Variants in NCOA2 observed in about 807,000 individuals in gnomAD.
NCOA2 encodes class E basic helix-loop-helix protein 75.
A neutral mutation model predicts 145.1 loss-of-function variants in NCOA2; 21 were observed. That is an observed-to-expected ratio of 0.14 (90% CI 0.10 to 0.21). NCOA2 has a LOEUF of 0.21. NCOA2 is among the 10% of genes least tolerant of loss of function. The pLI, the probability that NCOA2 is intolerant of heterozygous loss-of-function variation, is 1.00. For synonymous variants in NCOA2, 619 were observed against 637.5 expected, an observed-to-expected ratio of 0.97 and a Z score of 0.44; for missense variants, 1,472 against 1,837.6, an observed-to-expected ratio of 0.80 and a Z score of 3.64.
chr8:70,114,160 C>T (rs754782167), intron 22 of NCOA2, among the ~76,000 whole-genome samples: 77 of 152,228 alleles, frequency 5.1e-4, no homozygotes, highest in Non-Finnish European at 1.0e-3. Context: ...CTGGCTTCAG[C>T]AAGCTAGATC....
intron 13 of NCOA2, 83 bp downstream of exon 13, chr8:70,144,559 A>G: frequency 8.7e-7 from 1 of 1,148,246 alleles, no homozygotes; most frequent in Non-Finnish European, 1.3e-6. Context: ...TTCACTTGAA[A>G]AATTCTACTA....
upstream of NCOA2, among the ~76,000 whole-genome samples, chr8:70,407,930 A>G (rs748750140): frequency 2.9e-4 from 44 of 152,196 alleles, no homozygotes; most frequent in Non-Finnish European, 2.9e-5. Context: ...CCCACTTGAA[A>G]ACACTTAATG....
At chr8:70,222,353 T>C (rs1244116243) in intron 2 of NCOA2, among the ~76,000 whole-genome samples, 1 of 152,152 alleles carries the variant, frequency 6.6e-6, no homozygotes, top group African/African-American at 2.4e-5. Context: ...TTAAAGAAAA[T>C]AACATATCCT....
chr8:70,438,682 A>G, the NCOA2 span, among the ~76,000 whole-genome samples: 3 of 152,246 alleles, frequency 2.0e-5, no homozygotes, highest in African/African-American at 7.2e-5. Context: ...TTGAATTTAC[A>G]TTTATTTTAA....
intron 1 of NCOA2, among the ~76,000 whole-genome samples, chr8:70,370,466 A>G (rs1191194937): frequency 6.6e-6 from 1 of 152,152 alleles, no homozygotes; most frequent in Non-Finnish European, 1.5e-5. Flanking sequence ...AGCTAAAAGG[A>G]CTCAGGCAGT....
At chr8:70,369,753 C>T (rs934185610) in intron 1 of NCOA2, among the ~76,000 whole-genome samples, 1 of 152,156 alleles carries the variant, frequency 6.6e-6, no homozygotes, top group Non-Finnish European at 1.5e-5. Flanking sequence ...CACAAGACAA[C>T]CTGAGTCAAG....
chr8:70,232,594 C>A (rs1331717258), intron 2 of NCOA2, among the ~76,000 whole-genome samples: 1 of 152,118 alleles, frequency 6.6e-6, no homozygotes, highest in Non-Finnish European at 1.5e-5. Flanking sequence ...AATGTGTGAT[C>A]CTTCTGCCTG....
At chr8:70,397,073 A>C (rs923761082) in intron 1 of NCOA2, among the ~76,000 whole-genome samples, 1 of 152,232 alleles carries the variant, frequency 6.6e-6, no homozygotes, top group Non-Finnish European at 1.5e-5. Flanking sequence ...CACACATCAA[A>C]AAAGCCTGTA....
chr8:70,379,983 C>T (rs1033637461), intron 1 of NCOA2, among the ~76,000 whole-genome samples: 3 of 151,984 alleles, frequency 2.0e-5, no homozygotes, highest in African/African-American at 7.3e-5. Flanking sequence ...TTATAAATAA[C>T]TTAATGAGGC....
the NCOA2 span, among the ~76,000 whole-genome samples, chr8:70,438,428 G>T: frequency 6.6e-6 from 1 of 150,758 alleles, no homozygotes. Context: ...TATTTTACTT[G>T]GCTTTATACT....
upstream of NCOA2, among the ~76,000 whole-genome samples, chr8:70,407,004 A>G (rs1378280221): frequency 6.6e-6 from 1 of 152,218 alleles, no homozygotes; most frequent in Admixed American, 6.5e-5. Flanking sequence ...CAAGACTCAA[A>G]ATGGTGTAAA....
intron 5 of NCOA2, among the ~76,000 whole-genome samples, chr8:70,172,857 GT>G (rs982100782): frequency 6.6e-6 from 1 of 151,888 alleles, no homozygotes; most frequent in Non-Finnish European, 1.5e-5. Context: ...ATAAAGCTGT[GT>G]TTTTTTTAAG....
At chr8:70,223,851 C>T (rs1278281786) in intron 2 of NCOA2, among the ~76,000 whole-genome samples, 4 of 152,312 alleles carry the variant, frequency 2.6e-5, no homozygotes, top group South Asian at 2.1e-4. Context: ...GGGTCCTATA[C>T]TTTGACACTT....
chr8:70,393,726 T>C (rs1227275), intron 1 of NCOA2, among the ~76,000 whole-genome samples: 68,483 of 152,084 alleles, frequency 0.45, 18,171 homozygotes, highest in Non-Finnish European at 0.59. Flanking sequence ...TGGGCTCCCC[T>C]TGTCTCCTGG....
chr8:70,192,440 C>T (rs1182680325), intron 4 of NCOA2, among the ~76,000 whole-genome samples: 1 of 152,228 alleles, frequency 6.6e-6, no homozygotes, highest in Non-Finnish European at 1.5e-5. Context: ...ACTGTGCTAG[C>T]CTGAGCCCTT....
intron 1 of NCOA2, among the ~76,000 whole-genome samples, chr8:70,302,320 G>A (rs1220592028): frequency 6.6e-6 from 1 of 152,110 alleles, no homozygotes; most frequent in Admixed American, 6.5e-5. Context: ...CAATAAGTTT[G>A]ATGGTGCTAA....
intron 2 of NCOA2, among the ~76,000 whole-genome samples, chr8:70,263,075 CT>C (rs1277520452): frequency 3.3e-5 from 5 of 151,052 alleles, no homozygotes; most frequent in Non-Finnish European, 5.9e-5. Context: ...TACAGCTTCT[CT>C]TCAGAGTATC....
At chr8:70,182,587 G>A (rs1815611064) in intron 4 of NCOA2, among the ~76,000 whole-genome samples, 1 of 152,146 alleles carries the variant, frequency 6.6e-6, no homozygotes, top group East Asian at 1.9e-4. Context: ...AATAGAAAAT[G>A]CTTTTGTTCA....
chr8:70,159,697 T>C (rs1487059777), intron 9 of NCOA2, 45 bp from the exon 10 acceptor site: 4 of 1,558,372 alleles, frequency 2.6e-6, no homozygotes, highest in African/African-American at 1.4e-5. Flanking sequence ...GAAAAAAAAA[T>C]TGAGGGGTCG....
Sources: gnomAD v4.1 joint callset for allele counts (sites outside exome capture counted in the v4.1 genomes callset) on GRCh38, gnomAD v4.1.1 for gene constraint, MANE v1.5 for transcripts, NCBI Gene and HGNC (gene_info 2026-07-23, HGNC 2026-07-21) for gene names.